KLC1: variants seen among roughly 807,000 people sequenced by gnomAD.
KLC1 encodes the protein kinesin light chain 1, also known as kinesin 2 60/70kDa.
In KLC1, 30 loss-of-function variants were observed where a neutral mutation model predicts 84.2. The observed-to-expected ratio is 0.36, with a 90% CI of 0.27 to 0.48. The LOEUF (loss-of-function observed/expected upper bound fraction) is 0.48, where lower values mean the gene tolerates loss of function less well. KLC1 is among the 20% of genes least tolerant of loss of function. KLC1 has a pLI of 0.99. For missense variants in KLC1, 499 were observed against 805.4 expected, an observed-to-expected ratio of 0.62 and a Z score of 4.60; for synonymous variants, 289 against 293.3, an observed-to-expected ratio of 0.99 and a Z score of 0.15.
At chr14:103,662,655 G>C (rs1174489439) in intron 4 of KLC1, 47 bp from the exon 5 acceptor site, 1 of 1,398,520 alleles carries the variant, frequency 7.2e-7, no homozygotes, top group African/African-American at 1.4e-5. Flanking sequence ...GACTCATCTG[G>C]ATAATTGTCT....
chr14:103,671,372 G>T (rs560254368), intron 7 of KLC1, among the ~76,000 whole-genome samples: 2 of 151,880 alleles, frequency 1.3e-5, no homozygotes, highest in South Asian at 4.2e-4. Context: ...ACCACAAATT[G>T]TGTTTTTTTT....
chr14:103,666,104 C>T (rs1167774945), intron 5 of KLC1, among the ~76,000 whole-genome samples: 1 of 151,784 alleles, frequency 6.6e-6, no homozygotes, highest in Non-Finnish European at 1.5e-5. Context: ...CTCGCTGTCA[C>T]CCAGGCTGGA....
intron 1 of KLC1, among the ~76,000 whole-genome samples, chr14:103,644,243 T>C (rs1227144314): frequency 6.7e-6 from 1 of 149,496 alleles, no homozygotes; most frequent in Non-Finnish European, 1.5e-5. Flanking sequence ...AGCCTAAAGT[T>C]ATTCTCGATT....
At chr14:103,636,303 C>T (rs1167792097) in intron 1 of KLC1, among the ~76,000 whole-genome samples, 1 of 151,680 alleles carries the variant, frequency 6.6e-6, no homozygotes, top group Non-Finnish European at 1.5e-5. Flanking sequence ...CTCACTGCAA[C>T]CTCTGCCTCC....
At chr14:103,666,315 G>A (rs533650074) in intron 5 of KLC1, among the ~76,000 whole-genome samples, 2 of 151,994 alleles carry the variant, frequency 1.3e-5, no homozygotes, top group South Asian at 4.2e-4. Context: ...CACCCGCCTT[G>A]GCCTCCCAAA....
intron 15 of KLC1, 21 bp from the exon 16 acceptor site, chr14:103,700,634 T>G (rs919723881): frequency 6.3e-7 from 1 of 1,598,314 alleles, no homozygotes. Flanking sequence ...TGAGTGAAAC[T>G]CGTCTGTGCT....
intron 1 of KLC1, among the ~76,000 whole-genome samples, chr14:103,649,063 G>C (rs559768803): frequency 1.3e-5 from 2 of 152,064 alleles, no homozygotes; most frequent in East Asian, 3.9e-4. Context: ...CTTGAGCCCG[G>C]GATGCGGAAG....
chr14:103,633,915 A>G (rs949515125), intron 1 of KLC1, among the ~76,000 whole-genome samples: 8 of 151,928 alleles, frequency 5.3e-5, no homozygotes, highest in Non-Finnish European at 8.8e-5. Flanking sequence ...GTCACCCAGG[A>G]TGGAGTGCAG....
chr14:103,650,059 G>T (rs1271377547), intron 1 of KLC1, among the ~76,000 whole-genome samples: 5 of 152,138 alleles, frequency 3.3e-5, no homozygotes, highest in African/African-American at 9.6e-5. Context: ...TGGAGATTTT[G>T]CATTGAGTTC....
intron 1 of KLC1, among the ~76,000 whole-genome samples, chr14:103,650,383 G>T (rs773533162): frequency 3.1e-4 from 47 of 152,092 alleles, no homozygotes; most frequent in Non-Finnish European, 6.0e-4. Flanking sequence ...CCCGTGGGTT[G>T]CTAGGCATTG....
intron 3 of KLC1, among the ~76,000 whole-genome samples, chr14:103,660,013 TATCCTG>T (rs1257968875): frequency 3.9e-5 from 6 of 152,202 alleles, no homozygotes; most frequent in African/African-American, 1.4e-4. Flanking sequence ...GAGCTCATCT[TATCCTG>T]ATCACCTCCC....
Position 103,687,219 on chromosome 14 carries a change from T to C in KLC1, c.1781+8T>C. The C allele has an allele frequency of 6.5e-7, 1 of 1,538,568 alleles. No homozygotes were observed. The highest frequency in any genetic ancestry group is 1.4e-5 in the African/African-American group (1 of 72,850). Reference sequence around the variant, plus strand: ...TGAGCCAAAGAACCCCGGGTAACTATCTCTTCCAGCTCTCCCGACTCCCTG... The same window carrying C: ...TGAGCCAAAGAACCCCGGGTAACTACCTCTTCCAGCTCTCCCGACTCCCTG... On this transcript the variant is annotated splice_region_variant and intron_variant, in intron 14 of 16. Transcript: ENST00000334553.
intron 1 of KLC1, among the ~76,000 whole-genome samples, chr14:103,652,775 G>C (rs1030020803): frequency 3.9e-5 from 6 of 152,230 alleles, no homozygotes; most frequent in Non-Finnish European, 5.9e-5. Context: ...ACAGGCATGA[G>C]CCACCGTGCC....
intron 1 of KLC1, among the ~76,000 whole-genome samples, chr14:103,638,919 G>GTGCA (rs757404762): frequency 1.3e-5 from 2 of 152,042 alleles, no homozygotes; most frequent in Non-Finnish European, 2.9e-5. Context: ...GTGTGTGTGC[G>GTGCA]TGCATGCAGA....
chr14:103,668,257 G>C (rs74085251), intron 5 of KLC1, among the ~76,000 whole-genome samples: 348 of 152,276 alleles, frequency 2.3e-3, no homozygotes, highest in African/African-American at 8.2e-3. Flanking sequence ...ATGCAAGCTT[G>C]GTCCATTGTT....
chr14:103,655,371 C>T (rs1030847690), intron 2 of KLC1, among the ~76,000 whole-genome samples: 2 of 152,074 alleles, frequency 1.3e-5, no homozygotes, highest in Admixed American at 1.3e-4. Context: ...GATGCAGTCT[C>T]GGCTCACTGC....
chr14:103,687,155 G>C lies in KLC1; in HGVS notation c.1725G>C (p.Lys575Asn). Residue 575 changes from lysine (K) to asparagine (N), a missense_variant, in exon 14 of 17, where the codon AAG becomes AAC. Lys to Asn is a moderately conservative substitution (Grantham distance 94, BLOSUM62 0). This residue lies in a region of KLC1 where 167 missense variants were observed against 208.8 expected (regional missense o/e 0.80). Transcript: ENST00000334553. ...LRASIRRSSE[K>N]LVRKLKGGSS... ...CTTCCATTAGACGCAGCAGTGAGAA[G>C]CTGGTTAGGAAGCTGAAGGGAGGAA... The C allele has an allele frequency of 6.5e-7, 1 of 1,549,622 alleles. No homozygotes were observed. Among genetic ancestry groups the C allele is most frequent in the Non-Finnish European group, 8.7e-7 (1 of 1,145,512 alleles).
intron 1 of KLC1, among the ~76,000 whole-genome samples, chr14:103,645,957 A>G (rs1181546638): frequency 6.6e-6 from 1 of 151,932 alleles, no homozygotes; most frequent in African/African-American, 2.4e-5. Flanking sequence ...ACAGGGTTTC[A>G]TCGTGTTAGC....
At chr14:103,681,433 G>A (rs374798073) in intron 13 of KLC1, among the ~76,000 whole-genome samples, 1 of 152,016 alleles carries the variant, frequency 6.6e-6, no homozygotes, top group African/African-American at 2.4e-5. Context: ...TGCTAAACTC[G>A]ACCAACTTTT....
Sources: gnomAD v4.1 joint callset for allele counts (sites outside exome capture counted in the v4.1 genomes callset) on GRCh38, gnomAD v4.1.1 for gene constraint, gnomAD v4.1.1 regional missense constraint, MANE v1.5 for transcripts, NCBI Gene and HGNC (gene_info 2026-07-23, HGNC 2026-07-21) for gene names.